The following SEMA3D variants were observed in gnomAD, a reference collection of about 807,000 sequenced individuals.
The protein encoded by SEMA3D is semaphorin-3D.
Under a neutral mutation model 100.1 loss-of-function variants are expected in SEMA3D, and 84 were observed. The observed-to-expected ratio is 0.84, with a 90% CI of 0.70 to 1.01. SEMA3D has a LOEUF of 1.01. Among genes scored for constraint, SEMA3D ranks in the 50% least tolerant of loss-of-function variants. The probability of loss-of-function intolerance (pLI) is 0.00; values close to 1 mark genes in which losing one functional copy is unlikely to be tolerated. For synonymous variants in SEMA3D, 312 were observed against 320.7 expected (o/e 0.97, Z 0.29); for missense variants, 875 against 934.1 (o/e 0.94, Z 0.82).
At chr7:85,065,323 A>C (rs1791584331) in intron 8 of SEMA3D, 101 bp downstream of exon 8, 1 of 1,088,352 alleles carries the variant, frequency 9.2e-7, no homozygotes, top group Non-Finnish European at 1.3e-6. Flanking sequence ...GTTGAGCTAA[A>C]TTAATTATTC....
chr7:85,202,962 G>T, the SEMA3D span, among the ~76,000 whole-genome samples: 1 of 152,134 alleles, frequency 6.6e-6, no homozygotes, highest in African/African-American at 2.4e-5. Context: ...AGAGGGTGAG[G>T]TCTAATACCA....
chr7:84,999,077 G>A lies in SEMA3D; in HGVS notation c.*363C>T, dbSNP rs1584513634. 9.0e-6 allele frequency: 2 copies of A among 223,032 alleles called. No homozygotes were observed. The highest frequency in any genetic ancestry group is 2.1e-4 in the East Asian group (2 of 9,406). The allele number at this position is 223,032 out of a possible 1,614,324, so 13.8% of individuals were successfully genotyped here. ...AGCACAACTGCATGGTAAATTCCAT[G>A]CTTAATGGACATTCGAGGGAATAAA... is the stretch of plus-strand genomic sequence containing the variant. On this transcript the variant is annotated 3_prime_UTR_variant, in exon 19 of 19. Coordinates refer to ENST00000284136, the MANE Select transcript of SEMA3D (RefSeq NM_001384900.1).
intron 12 of SEMA3D, among the ~76,000 whole-genome samples, chr7:85,024,450 AAAT>A (rs1790338294): frequency 1.3e-5 from 2 of 152,004 alleles, no homozygotes; most frequent in Admixed American, 1.3e-4. Flanking sequence ...TCAAATTGTT[AAAT>A]AATTAGAAAT....
chr7:84,999,723 A>C lies in SEMA3D; in HGVS notation c.2051T>G (p.Ile684Ser), dbSNP rs772463383. Residue 684 changes from isoleucine to serine, a missense_variant, in exon 19 of 19, where the codon ATT becomes AGT. Coordinates refer to ENST00000284136, the MANE Select transcript of SEMA3D (RefSeq NM_001384900.1). ...HTIVKLTLNVIENEQMENTQR... is the reference protein window; with the variant it reads ...HTIVKLTLNVSENEQMENTQR... The stretch of plus-strand genomic sequence containing the variant: ...GGTATTTTCCATCTGTTCATTCTCA[A>C]TGACATTCAAAGTCAGCTTCACTAT... The C allele has an allele frequency of 3.7e-6, 6 of 1,613,866 alleles. No individual in the cohort carries two copies. The Admixed American group carries it at 6.7e-5, about 18-fold the overall frequency.
upstream of SEMA3D, among the ~76,000 whole-genome samples, chr7:85,191,459 T>C (rs569591057): frequency 2.0e-5 from 3 of 152,170 alleles, no homozygotes; most frequent in Non-Finnish European, 2.9e-5. Flanking sequence ...CCTTACAGCA[T>C]GTTTTAGATA....
intron 10 of SEMA3D, 56 bp downstream of exon 10, chr7:85,042,115 A>G: frequency 8.5e-7 from 1 of 1,179,462 alleles, no homozygotes. Flanking sequence ...ATAAATGCCA[A>G]GTTACTTAAT....
chr7:85,112,627 T>C (rs1255767667), intron 3 of SEMA3D, among the ~76,000 whole-genome samples: 1 of 152,124 alleles, frequency 6.6e-6, no homozygotes, highest in Non-Finnish European at 1.5e-5. Flanking sequence ...GCTTTTTGCT[T>C]TTGGGCAAGA....
chr7:85,100,784 T>C (rs1235765893), intron 3 of SEMA3D, among the ~76,000 whole-genome samples: 1 of 151,934 alleles, frequency 6.6e-6, no homozygotes, highest in Non-Finnish European at 1.5e-5. Context: ...TAAATGTTAT[T>C]TCTCTTAGTT....
chr7:85,175,283 A>G (rs539665144), intron 1 of SEMA3D, among the ~76,000 whole-genome samples: 1 of 152,272 alleles, frequency 6.6e-6, no homozygotes, highest in South Asian at 2.1e-4. Flanking sequence ...ACAACAAAAG[A>G]AGCCTTCTAA....
intron 3 of SEMA3D, among the ~76,000 whole-genome samples, chr7:85,116,150 C>A (rs11971371): frequency 1.3e-5 from 2 of 149,948 alleles, no homozygotes; most frequent in African/African-American, 4.9e-5. Context: ...AACTTGTTTT[C>A]TATTATCAAT....
intron 3 of SEMA3D, among the ~76,000 whole-genome samples, chr7:85,120,052 C>T (rs189125413): frequency 3.3e-5 from 5 of 151,842 alleles, no homozygotes; most frequent in East Asian, 1.9e-4. Context: ...GCAATCCTCT[C>T]GCTTCAGCCT....
the SEMA3D span, among the ~76,000 whole-genome samples, chr7:85,225,098 ATATATATACAT>A: frequency 3.1e-5 from 1 of 32,504 alleles, no homozygotes; most frequent in Admixed American, 3.0e-4. Context: ...ATATATATAT[ATATATATACAT>A]ACATATATAC....
At chr7:85,177,629 A>G (rs551326236) in intron 1 of SEMA3D, among the ~76,000 whole-genome samples, 43 of 152,336 alleles carry the variant, frequency 2.8e-4, no homozygotes, top group African/African-American at 8.7e-4. Flanking sequence ...ACTAATAAAT[A>G]GCATTTTTTG....
At chr7:85,247,602 T>C in the SEMA3D span, among the ~76,000 whole-genome samples, 1 of 152,058 alleles carries the variant, frequency 6.6e-6, no homozygotes, top group African/African-American at 2.4e-5. Context: ...CAACATTGAA[T>C]AGGAAAAACA....
chr7:85,082,483 A>T (rs1010306088), intron 4 of SEMA3D, among the ~76,000 whole-genome samples: 2 of 152,234 alleles, frequency 1.3e-5, no homozygotes, highest in African/African-American at 4.8e-5. Context: ...GTTAAGCTAT[A>T]AGCAAGAAGG....
chr7:85,039,179 A>T (rs762503481), intron 11 of SEMA3D, among the ~76,000 whole-genome samples: 6 of 152,156 alleles, frequency 3.9e-5, no homozygotes, highest in Non-Finnish European at 8.8e-5. Context: ...CTTTGAACAT[A>T]GTCAAATTTA....
chr7:85,119,959 A>ATT (rs527903255), intron 3 of SEMA3D, among the ~76,000 whole-genome samples: 195 of 138,906 alleles, frequency 1.4e-3, no homozygotes, highest in African/African-American at 2.9e-3. Flanking sequence ...CATTAAGTGA[A>ATT]TTTTTTTTTT....
At chr7:85,089,438 C>T (rs1241428516) in intron 4 of SEMA3D, among the ~76,000 whole-genome samples, 3 of 133,792 alleles carry the variant, frequency 2.2e-5, no homozygotes, top group East Asian at 4.5e-4. Flanking sequence ...TAATACTTCG[C>T]AATAAGTGCT....
intron 1 of SEMA3D, chr7:85,167,211 A>G: frequency 1.1e-6 from 1 of 921,044 alleles, no homozygotes; most frequent in Non-Finnish European, 1.3e-6. Flanking sequence ...AAGAGTTGAA[A>G]TGTTATAATA....
Sources: allele counts gnomAD v4.1 joint callset (sites outside exome capture counted in the v4.1 genomes callset), GRCh38; gene constraint gnomAD v4.1.1; transcripts MANE v1.5; gene names NCBI Gene and HGNC (gene_info 2026-07-23, HGNC 2026-07-21).